FAT1: variants seen among roughly 807,000 people sequenced by gnomAD.
FAT1 encodes the protein FAT atypical cadherin 1, also known as protocadherin Fat 1.
Under a neutral mutation model 329.8 loss-of-function variants are expected in FAT1, and 171 were observed. The observed-to-expected ratio is 0.52, with a 90% CI of 0.46 to 0.59. The LOEUF is 0.59. Ranked by LOEUF, FAT1 falls within the 20% of genes least tolerant of loss-of-function variation. The pLI, the probability that FAT1 is intolerant of heterozygous loss-of-function variation, is 0.00. For missense variants in FAT1, 5,672 were observed against 5,774.4 expected (o/e 0.98, Z 0.57); for synonymous variants, 2,233 against 2,228.6 (o/e 1.00, Z -0.06).
rs1579301987 is a variant in FAT1 at position 186,603,621 on chromosome 4, T to G, written c.10905A>C (p.Thr3635=). Residue 3635 remains threonine, a synonymous_variant, in exon 19 of 27, where the codon ACA becomes ACC. Coordinates refer to ENST00000441802, the MANE Select transcript of FAT1 (RefSeq NM_005245.4). ...CGATGGTGTGGTTCAACATCTCCTG[T>G]GTGACTTGTCTGATATGCACTGTGA... is the stretch of plus-strand genomic sequence containing the variant. ...ADITVHIRQV[T]QEMLNHTIAI... is the part of the protein sequence containing the mutation. The G allele has an allele frequency of 6.2e-7, 1 of 1,614,052 alleles. No individual in the cohort carries two copies. The highest frequency in any genetic ancestry group is 8.5e-7 in the Non-Finnish European group (1 of 1,179,912).
At chr4:186,718,600 G>C (rs1745326764) in intron 1 of FAT1, among the ~76,000 whole-genome samples, 1 of 152,170 alleles carries the variant, frequency 6.6e-6, no homozygotes, top group South Asian at 2.1e-4. Flanking sequence ...CCGGGAGGCG[G>C]AGCTTGCAGT....
intron 7 of FAT1, among the ~76,000 whole-genome samples, 183 bp downstream of exon 7, chr4:186,633,501 C>A (rs1249708239): frequency 6.6e-6 from 1 of 151,982 alleles, no homozygotes; most frequent in African/African-American, 2.4e-5. Context: ...TATGCAAAAC[C>A]CAAATTGGGA....
rs201184724 is a variant in FAT1, at chr4:186,707,821, C to T, written c.2007G>A (p.Leu669=). 4 of 1,613,594 alleles carry T rather than the reference C, an allele frequency of 2.5e-6. No individual in the cohort carries two copies. The East Asian group carries it at 6.7e-5, about 27-fold the overall frequency. Residue 669 remains leucine, a synonymous_variant, in exon 2 of 27, where the codon CTG becomes CTA. Transcript: ENST00000441802. ...INITVAASHK[L]VNLQCEETGV... is the part of the protein sequence containing the mutation. ...CAGTCTCTTCACACTGCAAGTTTAC[C>T]AGCTTGTGACTGGCAGCCACTGTTA...
chr4:186,677,552 T>A (rs370948276), intron 2 of FAT1, among the ~76,000 whole-genome samples: 59 of 152,146 alleles, frequency 3.9e-4, no homozygotes, highest in East Asian at 2.3e-3. Context: ...TTTATATATG[T>A]TTTGAAATCA....
Position 186,603,502 on chromosome 4 carries a change from C to T in FAT1, c.11024G>A (p.Arg3675Lys), listed in dbSNP as rs2126429159. Residue 3675 changes from arginine (R) to lysine (K), a missense_variant, in exon 19 of 27, where the codon AGG (arginine) becomes AAG (lysine). Arg to Lys is a conservative substitution (Grantham distance 26). This residue lies in a region of FAT1 where 1,706 missense variants were observed against 1,859.1 expected (regional missense o/e 0.92). Coordinates refer to ENST00000441802, the MANE Select transcript of FAT1 (RefSeq NM_005245.4). ...RALRNILGVR[R>K]NDIQIVSLQS... is the part of the protein sequence containing the mutation. Reference sequence around the variant, plus strand: ...CAAACTAACAATCTGTATGTCGTTCCTCCTCACACCCAGGATGTTCCGTAA... The same window carrying T: ...CAAACTAACAATCTGTATGTCGTTCTTCCTCACACCCAGGATGTTCCGTAA... 1 of 1,613,968 alleles carries T rather than the reference C, an allele frequency of 6.2e-7. No individual in the cohort carries two copies. The highest frequency in any genetic ancestry group is 8.5e-7 in the Non-Finnish European group (1 of 1,179,878).
At chr4:186,608,369 C>T (rs1323485974) in intron 16 of FAT1, among the ~76,000 whole-genome samples, 2 of 151,882 alleles carry the variant, frequency 1.3e-5, no homozygotes, top group Admixed American at 6.6e-5. Context: ...TACTGCGGGT[C>T]GGGGTTGTAT....
In FAT1 at chr4:186,720,025, C is replaced by CTT. The variant is rs757038087; in HGVS notation, c.-19+3638_-19+3639insAA. On this transcript the variant is annotated intron_variant, in intron 1 of 26. Transcript: ENST00000441802. Reference sequence around the variant, plus strand: ...TTAAAGACCTTTGATAATCTAACCTCTAACTAATTTCCTAATTTCCCAACA... The same window carrying CTT: ...TTAAAGACCTTTGATAATCTAACCTCTTTAACTAATTTCCTAATTTCCCAACA... Among the ~76,000 whole-genome samples, 48 of 152,302 alleles carry CTT rather than the reference C, an allele frequency of 3.2e-4. 1 individual carries two copies. Among genetic ancestry groups the CTT allele is most frequent in the Non-Finnish European group, 7.3e-5 (5 of 68,028 alleles).
At chr4:186,664,840 C>G (rs1742354829) in intron 2 of FAT1, among the ~76,000 whole-genome samples, 1 of 152,298 alleles carries the variant, frequency 6.6e-6, no homozygotes, top group African/African-American at 2.4e-5. Context: ...TCTAGAATCA[C>G]TGAAGTTTCC....
At chr4:186,667,099 G>GA (rs1381409135) in intron 2 of FAT1, among the ~76,000 whole-genome samples, 4 of 152,156 alleles carry the variant, frequency 2.6e-5, no homozygotes, top group Non-Finnish European at 5.9e-5. Context: ...AATCTCAAGG[G>GA]AAAAAAGAAT....
In FAT1 at chr4:186,636,079, T is replaced by A. The variant is rs1740802006; in HGVS notation, c.4129A>T (p.Ile1377Phe). ...GGAGGCTCCACAGATATTACTCCAA[T>A]CATGTGAGCAACGGGGTCACTTTCC... ...VMESDPVAHM[I>F]GVISVEPPGI... Residue 1377 changes from isoleucine (I) to phenylalanine (F), a missense_variant, in exon 6 of 27, where the codon ATT becomes TTT. Physicochemically the swap from Ile to Phe is conservative, Grantham distance 21. Coordinates refer to ENST00000441802, the MANE Select transcript of FAT1 (RefSeq NM_005245.4). The A allele has an allele frequency of 6.2e-7, 1 of 1,613,936 alleles. No homozygotes were observed. Among genetic ancestry groups the A allele is most frequent in the African/African-American group, 1.3e-5 (1 of 75,042 alleles).
chr4:186,629,329 A>G (rs1478544229), intron 7 of FAT1, among the ~76,000 whole-genome samples: 2 of 152,230 alleles, frequency 1.3e-5, no homozygotes, highest in Non-Finnish European at 2.9e-5. Context: ...ACATCTATGT[A>G]GTAAATATGT....
intron 3 of FAT1, among the ~76,000 whole-genome samples, chr4:186,644,517 T>C (rs1014235649): frequency 2.2e-5 from 3 of 135,692 alleles, no homozygotes; most frequent in Non-Finnish European, 5.1e-5. Context: ...TTCTCACCAA[T>C]GAGCAGTTAC....
chr4:186,634,632 A>T (rs1740746749), intron 6 of FAT1, among the ~76,000 whole-genome samples: 1 of 151,950 alleles, frequency 6.6e-6, no homozygotes, highest in South Asian at 2.1e-4. Flanking sequence ...CAGCGATGGA[A>T]GATAGTCACT....
chr4:186,624,823 C>T (rs75882687), intron 9 of FAT1, among the ~76,000 whole-genome samples: 3,675 of 152,236 alleles, frequency 0.024, 140 homozygotes, highest in African/African-American at 0.079. Flanking sequence ...TTTTATAGTT[C>T]GTACTATTCC....
intron 22 of FAT1, 89 bp downstream of exon 22, chr4:186,599,809 A>G: frequency 9.8e-7 from 1 of 1,019,648 alleles, no homozygotes; most frequent in Non-Finnish European, 1.4e-6. Context: ...CTGAATCAAA[A>G]GAGAAAAAAA....
intron 1 of FAT1, among the ~76,000 whole-genome samples, chr4:186,715,045 T>G (rs1362539768): frequency 6.6e-6 from 1 of 151,750 alleles, no homozygotes; most frequent in Non-Finnish European, 1.5e-5. Flanking sequence ...ACCACTGCAC[T>G]CCAGCCTAGG....
At chr4:186,592,620 T>C (rs915212907) in intron 26 of FAT1, 15 of 446,076 alleles carry the variant, frequency 3.4e-5, no homozygotes, top group Admixed American at 9.9e-5. Flanking sequence ...ACCATTGCAA[T>C]AGCAATGCGG....
Position 186,708,175 on chromosome 4 carries a change from G to A in FAT1, c.1653C>T (p.Val551=), listed in dbSNP as rs371972801. The part of the protein sequence containing the change: ...SDWGLPYRRE[V]EVLATITLNN... Reference sequence around the variant, plus strand: ...TGAGAGTAATTGTAGCAAGGACTTCGACTTCCCGGCGGTACGGCAAGCCCC... The same window carrying A: ...TGAGAGTAATTGTAGCAAGGACTTCAACTTCCCGGCGGTACGGCAAGCCCC... The change falls in exon 2 of 27, where the codon GTC becomes GTT. Residue 551 remains valine, a synonymous_variant. Coordinates refer to ENST00000441802, the MANE Select transcript of FAT1 (RefSeq NM_005245.4). 62 of 1,613,986 alleles carry A rather than the reference G, an allele frequency of 3.8e-5. No individual in the cohort carries two copies. The highest frequency in any genetic ancestry group is 6.7e-5 in the African/African-American group (5 of 75,046).
At position 186,620,056 on chromosome 4, in the gene FAT1, T is replaced by C. The variant is rs2126511948; in HGVS notation, c.6530A>G (p.Lys2177Arg). 2 of 1,614,018 alleles carry C rather than the reference T, an allele frequency of 1.2e-6. No individual in the cohort carries two copies. Among genetic ancestry groups the C allele is most frequent in the Non-Finnish European group, 1.7e-6 (2 of 1,179,894 alleles). The stretch of plus-strand genomic sequence containing the variant: ...AGGTTTTTCAAACACAGGCATGGCT[T>C]TATTCATGACAGTGATCGGAACGAT... ...EVIVPITVMNKAMPVFEKPFY... is the reference protein window; with the variant it reads ...EVIVPITVMNRAMPVFEKPFY... Residue 2177 changes from lysine (K) to arginine (R), a missense_variant, in exon 10 of 27, where the codon AAA (lysine) becomes AGA (arginine). Coordinates refer to ENST00000441802, the MANE Select transcript of FAT1 (RefSeq NM_005245.4).
Sources: allele counts gnomAD v4.1 joint callset (sites outside exome capture counted in the v4.1 genomes callset), GRCh38; gene constraint gnomAD v4.1.1; regional missense constraint gnomAD v4.1.1; transcripts MANE v1.5; gene names NCBI Gene and HGNC (gene_info 2026-07-23, HGNC 2026-07-21).